RPS6KC1: variants seen among roughly 807,000 people sequenced by gnomAD.
RPS6KC1 encodes the protein inactive ribosomal protein S6 kinase delta-1.
In RPS6KC1, 54 loss-of-function variants were observed where a neutral mutation model predicts 103.8. The ratio of observed to expected loss-of-function variants is 0.52; its 90% CI spans 0.42 to 0.65. The LOEUF is 0.65. Among genes scored for constraint, RPS6KC1 ranks in the 30% least tolerant of loss-of-function variants. RPS6KC1 has a pLI of 0.00. For synonymous variants in RPS6KC1, 439 were observed against 438.7 expected (o/e 1.00, Z -0.01); for missense variants, 1,151 against 1,253.8 (o/e 0.92, Z 1.24).
the RPS6KC1 span, among the ~76,000 whole-genome samples, chr1:213,523,649 C>G: frequency 6.6e-6 from 1 of 152,076 alleles, no homozygotes; most frequent in African/African-American, 2.4e-5. Context: ...TCTTTATGAC[C>G]ATTATTTTTT....
the RPS6KC1 span, among the ~76,000 whole-genome samples, chr1:213,789,183 G>GT: frequency 4.6e-5 from 7 of 152,146 alleles, no homozygotes; most frequent in African/African-American, 1.2e-4. Context: ...AGATTGTGTA[G>GT]TTTTTTCCTG....
chr1:213,169,337 TTG>T (rs750509010), intron 7 of RPS6KC1, among the ~76,000 whole-genome samples: 1 of 152,202 alleles, frequency 6.6e-6, no homozygotes, highest in Non-Finnish European at 1.5e-5. Context: ...AACAAAAAGA[TTG>T]TGTTTCAACT....
intron 6 of RPS6KC1, among the ~76,000 whole-genome samples, chr1:213,144,276 T>TA (rs908946119): frequency 6.6e-6 from 1 of 152,026 alleles, no homozygotes; most frequent in Non-Finnish European, 1.5e-5. Context: ...TTGGAGTTCT[T>TA]TAGTTTTTTA....
the RPS6KC1 span, among the ~76,000 whole-genome samples, chr1:213,855,605 A>C: frequency 6.6e-6 from 1 of 152,226 alleles, no homozygotes; most frequent in African/African-American, 2.4e-5. Flanking sequence ...TCTTTCTCTC[A>C]GGCTGAAATC....
chr1:213,609,314 G>A, the RPS6KC1 span, among the ~76,000 whole-genome samples: 4,253 of 152,240 alleles, frequency 0.028, 381 homozygotes, highest in East Asian at 0.27. Flanking sequence ...TTGATAGAAC[G>A]CAGTGGGATG....
chr1:213,524,951 C>T, the RPS6KC1 span, among the ~76,000 whole-genome samples: 11 of 152,176 alleles, frequency 7.2e-5, no homozygotes, highest in African/African-American at 1.7e-4. Flanking sequence ...AGTTACTTAA[C>T]GACTTTTTGC....
chr1:213,226,868 T>C (rs1016332860), intron 8 of RPS6KC1, among the ~76,000 whole-genome samples: 1 of 152,236 alleles, frequency 6.6e-6, no homozygotes, highest in Non-Finnish European at 1.5e-5. Flanking sequence ...TATTGTCTTA[T>C]TTACTCACAA....
the RPS6KC1 span, among the ~76,000 whole-genome samples, chr1:213,373,892 G>A: frequency 5.3e-5 from 8 of 151,994 alleles, no homozygotes; most frequent in Admixed American, 1.3e-4. Flanking sequence ...TCCCTTTATC[G>A]CCACCGAAAC....
the RPS6KC1 span, among the ~76,000 whole-genome samples, chr1:213,417,193 G>A: frequency 2.0e-5 from 3 of 151,952 alleles, no homozygotes; most frequent in Admixed American, 6.6e-5. Flanking sequence ...GGCCCCAACC[G>A]CTTCCAGAGC....
intron 6 of RPS6KC1, among the ~76,000 whole-genome samples, 158 bp downstream of exon 6, chr1:213,130,047 G>A (rs1181030766): frequency 6.6e-6 from 1 of 152,084 alleles, no homozygotes; most frequent in African/African-American, 2.4e-5. Context: ...TATACTTTAA[G>A]TTCCTTGAGA....
intron 1 of RPS6KC1, among the ~76,000 whole-genome samples, chr1:213,063,726 T>G (rs2078046715): frequency 6.6e-6 from 1 of 152,224 alleles, no homozygotes; most frequent in Admixed American, 6.5e-5. Context: ...GGGGATTTAC[T>G]AGGCATATTA....
chr1:213,716,252 T>C, the RPS6KC1 span, among the ~76,000 whole-genome samples: 1 of 152,154 alleles, frequency 6.6e-6, no homozygotes, highest in Admixed American at 6.5e-5. Context: ...GCCATGGCTA[T>C]GGTTTGAGCA....
chr1:213,467,858 C>T, the RPS6KC1 span, among the ~76,000 whole-genome samples: 7 of 152,178 alleles, frequency 4.6e-5, no homozygotes, highest in African/African-American at 1.4e-4. Context: ...TTCATTTCCC[C>T]ACAGATTTGC....
the RPS6KC1 span, among the ~76,000 whole-genome samples, chr1:213,610,041 C>T: frequency 4.6e-5 from 7 of 152,188 alleles, no homozygotes; most frequent in East Asian, 3.9e-4. Flanking sequence ...AAAGTATCTT[C>T]GAGTACGGTT....
chr1:213,232,074 AACTGAGGATG>A (rs759111675), intron 9 of RPS6KC1, 39 bp from the exon 10 acceptor site: 1 of 158,868 alleles, frequency 6.3e-6, no homozygotes, highest in East Asian at 1.2e-4. Flanking sequence ...CTCCAAAGGC[AACTGAGGATG>A]CAACTGAGGA....
the RPS6KC1 span, among the ~76,000 whole-genome samples, chr1:213,600,693 T>A: frequency 6.6e-6 from 1 of 152,202 alleles, no homozygotes; most frequent in Admixed American, 6.5e-5. Context: ...CCAGCTCCAC[T>A]TCTCCCCACT....
the RPS6KC1 span, among the ~76,000 whole-genome samples, chr1:213,822,889 A>G: frequency 6.6e-6 from 1 of 151,984 alleles, no homozygotes; most frequent in Non-Finnish European, 1.5e-5. Flanking sequence ...CTACCCTTGG[A>G]CCTTCTATAA....
intron 8 of RPS6KC1, among the ~76,000 whole-genome samples, chr1:213,214,905 G>T (rs2093618549): frequency 6.6e-6 from 1 of 152,076 alleles, no homozygotes; most frequent in Admixed American, 6.6e-5. Flanking sequence ...ACCAAAGGTA[G>T]ATAAAACCAC....
chr1:213,857,632 A>G, the RPS6KC1 span, among the ~76,000 whole-genome samples: 1 of 152,256 alleles, frequency 6.6e-6, no homozygotes, highest in African/African-American at 2.4e-5. Context: ...CAACCAGGGA[A>G]TTATTATTTC....
Sources: allele counts gnomAD v4.1 joint callset (sites outside exome capture counted in the v4.1 genomes callset), GRCh38; gene constraint gnomAD v4.1.1; transcripts MANE v1.5; gene names NCBI Gene and HGNC (gene_info 2026-07-23, HGNC 2026-07-21).